GRM5: variants seen among roughly 807,000 people sequenced by gnomAD.
GRM5 encodes the protein glutamate metabotropic receptor 5.
In GRM5, 19 loss-of-function variants were observed where a neutral mutation model predicts 83.1. That is an observed-to-expected ratio of 0.23 (90% CI 0.16 to 0.34). The LOEUF is 0.34. Ranked by LOEUF, GRM5 falls within the 10% of genes least tolerant of loss-of-function variation. GRM5 has a pLI of 1.00. For missense variants in GRM5, 1,160 were observed against 1,588.3 expected (o/e 0.73, Z 4.58); for synonymous variants, 675 against 633.6 (o/e 1.07, Z -0.98).
chr11:88,532,747 T>C (rs1942042638), intron 8 of GRM5, among the ~76,000 whole-genome samples: 1 of 152,184 alleles, frequency 6.6e-6, no homozygotes, highest in Non-Finnish European at 1.5e-5. Context: ...ATTCTGTACA[T>C]GTTGGTCAAG....
At chr11:88,784,703 A>C (rs1010895555) in intron 3 of GRM5, among the ~76,000 whole-genome samples, 1 of 152,042 alleles carries the variant, frequency 6.6e-6, no homozygotes, top group Admixed American at 6.6e-5. Flanking sequence ...TAACTGAGGG[A>C]TTAGGAAATG....
chr11:88,990,092 C>G (rs893691290), intron 2 of GRM5, among the ~76,000 whole-genome samples: 4 of 148,596 alleles, frequency 2.7e-5, no homozygotes, highest in African/African-American at 7.5e-5. Flanking sequence ...TTGAAAGGAT[C>G]AACAAAATTG....
intron 2 of GRM5, among the ~76,000 whole-genome samples, chr11:88,930,518 T>C (rs989483083): frequency 6.6e-6 from 1 of 152,146 alleles, no homozygotes; most frequent in Non-Finnish European, 1.5e-5. Flanking sequence ...TTACCTCATA[T>C]TGCCAACTTC....
chr11:88,639,097 T>C (rs1423426100), intron 4 of GRM5, among the ~76,000 whole-genome samples: 2 of 152,204 alleles, frequency 1.3e-5, no homozygotes, highest in South Asian at 2.1e-4. Context: ...TATTTAATGC[T>C]AGAATATGTC....
chr11:88,989,409 A>G (rs986117711), intron 2 of GRM5, among the ~76,000 whole-genome samples: 9 of 127,284 alleles, frequency 7.1e-5, no homozygotes, highest in African/African-American at 1.4e-4. Flanking sequence ...CACATTAATA[A>G]TGGGAGACTT....
intron 2 of GRM5, among the ~76,000 whole-genome samples, chr11:89,016,775 A>G (rs1940867673): frequency 6.6e-6 from 1 of 152,150 alleles, no homozygotes; most frequent in Non-Finnish European, 1.5e-5. Flanking sequence ...AATTTAGTAT[A>G]TGCATACTAA....
intron 2 of GRM5, among the ~76,000 whole-genome samples, chr11:89,026,379 T>C (rs575283996): frequency 1.3e-5 from 2 of 152,318 alleles, no homozygotes; most frequent in South Asian, 2.1e-4. Flanking sequence ...CCAATAGTAG[T>C]TGACTCCATG....
At chr11:88,651,005 G>A (rs994371565) in intron 4 of GRM5, among the ~76,000 whole-genome samples, 1 of 151,948 alleles carries the variant, frequency 6.6e-6, no homozygotes, top group Non-Finnish European at 1.5e-5. Context: ...GTTGTCAGAC[G>A]AGATTCCAAG....
chr11:88,652,784 C>G (rs112356445), intron 4 of GRM5, among the ~76,000 whole-genome samples: 9 of 152,070 alleles, frequency 5.9e-5, no homozygotes, highest in Admixed American at 5.9e-4. Flanking sequence ...TATATGAAAC[C>G]GTTACTATGT....
At chr11:88,990,433 A>G (rs1332398995) in intron 2 of GRM5, among the ~76,000 whole-genome samples, 2 of 151,458 alleles carry the variant, frequency 1.3e-5, no homozygotes, top group Admixed American at 6.6e-5. Flanking sequence ...TACCAGAGGT[A>G]CAAGGAGGAA....
intron 3 of GRM5, among the ~76,000 whole-genome samples, chr11:88,696,928 A>G (rs1940918115): frequency 6.6e-6 from 1 of 152,334 alleles, no homozygotes; most frequent in Admixed American, 6.5e-5. Flanking sequence ...TCTTTGGAGA[A>G]GGTGATGCTG....
intron 2 of GRM5, among the ~76,000 whole-genome samples, chr11:88,908,296 T>C (rs868051425): frequency 6.6e-6 from 1 of 152,136 alleles, no homozygotes; most frequent in African/African-American, 2.4e-5. Flanking sequence ...GATCGCATGA[T>C]ATATTTTGAA....
chr11:88,570,683 G>A (rs1039100338), intron 7 of GRM5, among the ~76,000 whole-genome samples: 6 of 144,870 alleles, frequency 4.1e-5, no homozygotes, highest in African/African-American at 1.6e-4. Context: ...GAGTTCAAGC[G>A]ATTCTTGTGC....
chr11:88,548,442 A>T (rs1050309701), intron 8 of GRM5, among the ~76,000 whole-genome samples: 1 of 152,180 alleles, frequency 6.6e-6, no homozygotes, highest in East Asian at 1.9e-4. Context: ...CATGCAAATT[A>T]AAAAAATCCA....
At chr11:88,541,930 T>C (rs1565331273) in intron 8 of GRM5, among the ~76,000 whole-genome samples, 1 of 152,114 alleles carries the variant, frequency 6.6e-6, no homozygotes, top group East Asian at 1.9e-4. Context: ...TGATAGTGAG[T>C]GACTTCTTGT....
intron 3 of GRM5, among the ~76,000 whole-genome samples, chr11:88,754,559 G>T: frequency 6.6e-6 from 1 of 152,046 alleles, no homozygotes; most frequent in Non-Finnish European, 1.5e-5. Context: ...CTCAAAGGTA[G>T]GCACTTGAAT....
intron 8 of GRM5, among the ~76,000 whole-genome samples, chr11:88,561,663 C>G (rs1195312743): frequency 6.6e-6 from 1 of 152,018 alleles, no homozygotes; most frequent in East Asian, 1.9e-4. Context: ...TGATGCTGCA[C>G]CATGTTGTGC....
intron 4 of GRM5, among the ~76,000 whole-genome samples, chr11:88,643,234 G>C (rs1057356111): frequency 6.6e-6 from 1 of 150,812 alleles, no homozygotes; most frequent in Non-Finnish European, 1.5e-5. Flanking sequence ...GCCAGAGCAG[G>C]AGCAAAAGAC....
intron 4 of GRM5, among the ~76,000 whole-genome samples, chr11:88,606,436 C>T (rs551654644): frequency 6.6e-6 from 1 of 152,294 alleles, no homozygotes; most frequent in East Asian, 1.9e-4. Flanking sequence ...GCAGGAGAAT[C>T]CCTTTAACCT....
Sources: allele counts gnomAD v4.1 joint callset (sites outside exome capture counted in the v4.1 genomes callset), GRCh38; gene constraint gnomAD v4.1.1; transcripts MANE v1.5; gene names NCBI Gene and HGNC (gene_info 2026-07-23, HGNC 2026-07-21).